MARCHF1: variants seen among roughly 807,000 people sequenced by gnomAD.
MARCHF1 encodes the protein membrane associated ring-CH-type finger 1, also known as E3 ubiquitin-protein ligase MARCHF1.
MARCHF1 carries 40 observed loss-of-function variants against 54.2 expected under a neutral mutation model. The observed-to-expected ratio is 0.74, with a 90% confidence interval of 0.57 to 0.96. The LOEUF (loss-of-function observed/expected upper bound fraction) is 0.96, where lower values mean the gene tolerates loss of function less well. Ranked by LOEUF, MARCHF1 falls within the 40% of genes least tolerant of loss-of-function variation. The pLI, the probability that MARCHF1 is intolerant of heterozygous loss-of-function variation, is 0.00. For missense variants in MARCHF1, 586 were observed against 656.5 expected, an observed-to-expected ratio of 0.89 and a Z score of 1.17; for synonymous variants, 236 against 236.3, an observed-to-expected ratio of 1.00 and a Z score of 0.01.
At chr4:164,365,246 T>C (rs945512200) in intron 1 of MARCHF1, among the ~76,000 whole-genome samples, 1 of 152,006 alleles carries the variant, frequency 6.6e-6, no homozygotes, top group Non-Finnish European at 1.5e-5. Context: ...AAAAAGTGAA[T>C]TCGAGAAAAA....
intron 4 of MARCHF1, among the ~76,000 whole-genome samples, chr4:163,853,453 A>G (rs1371149700): frequency 2.0e-5 from 3 of 152,216 alleles, no homozygotes; most frequent in Non-Finnish European, 2.9e-5. Flanking sequence ...TCCCTGGAAA[A>G]TGATAGCTAG....
intron 9 of MARCHF1, among the ~76,000 whole-genome samples, chr4:163,535,659 C>G (rs898103167): frequency 1.3e-5 from 2 of 151,976 alleles, no homozygotes; most frequent in Non-Finnish European, 2.9e-5. Flanking sequence ...TTCCTGTATG[C>G]TAAGTAACAC....
chr4:164,079,850 A>G (rs1048325155), intron 2 of MARCHF1, among the ~76,000 whole-genome samples: 1 of 152,164 alleles, frequency 6.6e-6, no homozygotes, highest in Non-Finnish European at 1.5e-5. Flanking sequence ...TGTAATATTA[A>G]TATTACTAAT....
intron 3 of MARCHF1, among the ~76,000 whole-genome samples, chr4:163,964,907 C>T (rs887446881): frequency 3.3e-5 from 5 of 151,872 alleles, no homozygotes; most frequent in African/African-American, 1.2e-4. Context: ...CAGCAGTGCC[C>T]GACACCGTGA....
At chr4:164,308,056 T>C (rs1252463059) in intron 1 of MARCHF1, among the ~76,000 whole-genome samples, 1 of 152,180 alleles carries the variant, frequency 6.6e-6, no homozygotes, top group Admixed American at 6.5e-5. Context: ...TATACACTAA[T>C]GAATATAGAC....
At chr4:163,889,482 T>G (rs943522352) in intron 3 of MARCHF1, among the ~76,000 whole-genome samples, 5 of 152,110 alleles carry the variant, frequency 3.3e-5, no homozygotes, top group African/African-American at 1.2e-4. Context: ...CAGGGAAAAT[T>G]TCATATTCTT....
chr4:163,868,299 C>T (rs554168071), intron 3 of MARCHF1, among the ~76,000 whole-genome samples: 1 of 151,770 alleles, frequency 6.6e-6, no homozygotes, highest in South Asian at 2.1e-4. Context: ...ATTTTGCTGT[C>T]TACATGAAAA....
At chr4:163,621,620 G>A (rs1052557826) in intron 5 of MARCHF1, among the ~76,000 whole-genome samples, 4 of 151,772 alleles carry the variant, frequency 2.6e-5, no homozygotes, top group Admixed American at 2.6e-4. Flanking sequence ...TGGAGTTCTG[G>A]GCATAATTTT....
At chr4:163,902,541 A>C (rs913120178) in intron 3 of MARCHF1, among the ~76,000 whole-genome samples, 3 of 152,148 alleles carry the variant, frequency 2.0e-5, no homozygotes, top group Non-Finnish European at 2.9e-5. Context: ...ACATTTGTTA[A>C]AACCACCTAT....
At chr4:163,959,719 A>T (rs1579422939) in intron 3 of MARCHF1, among the ~76,000 whole-genome samples, 1 of 152,184 alleles carries the variant, frequency 6.6e-6, no homozygotes, top group East Asian at 1.9e-4. Flanking sequence ...ACCTTGAAAG[A>T]CAACCTAGTC....
intron 4 of MARCHF1, among the ~76,000 whole-genome samples, chr4:163,762,535 G>A (rs563428134): frequency 6.6e-6 from 1 of 152,130 alleles, no homozygotes; most frequent in Admixed American, 6.6e-5. Context: ...AAAGAGTTAT[G>A]TATTTCAAAG....
At chr4:164,329,762 A>T (rs1735377904) in intron 1 of MARCHF1, among the ~76,000 whole-genome samples, 1 of 152,124 alleles carries the variant, frequency 6.6e-6, no homozygotes, top group Non-Finnish European at 1.5e-5. Context: ...GGTGCCACAC[A>T]CTTTTAAATG....
chr4:164,112,292 G>C (rs1755850900), intron 1 of MARCHF1, among the ~76,000 whole-genome samples: 2 of 151,770 alleles, frequency 1.3e-5, no homozygotes, highest in Non-Finnish European at 3.0e-5. Context: ...TTTATCTCTT[G>C]TTTTAGGATC....
Position 163,853,098 on chromosome 4 carries a change from T to C in MARCHF1, c.111+923A>G, listed in dbSNP as rs1463818628. 3.3e-5 allele frequency among the ~76,000 whole-genome samples: 5 copies of C among 152,266 alleles called. No homozygotes were observed. The East Asian group carries it at 5.8e-4, about 18-fold the overall frequency. On this transcript the variant is annotated intron_variant, in intron 4 of 9. Transcript: ENST00000514618. The stretch of plus-strand genomic sequence containing the variant: ...AGAACTGTGAGAAATAAATTTTTGT[T>C]TTTTATAAGTTACCAGTTTATGGTA...
intron 1 of MARCHF1, chr4:164,189,923 T>C: frequency 1.9e-6 from 3 of 1,569,544 alleles, no homozygotes; most frequent in Admixed American, 3.3e-5. Context: ...AAGACAAGGG[T>C]ACAGGGAACA....
Position 164,037,315 on chromosome 4 carries a change from A to G in MARCHF1, c.-247-48606T>C, listed in dbSNP as rs114091012. Among the ~76,000 whole-genome samples, 122 of 152,312 alleles carry G rather than the reference A, an allele frequency of 8.0e-4. 2 individuals carry two copies. Among genetic ancestry groups the G allele is most frequent in the Non-Finnish European group, 1.4e-3 (95 of 68,032 alleles). The stretch of plus-strand genomic sequence containing the variant: ...GTCATGCCACTAGCTTAGGTCATCA[A>G]GGAAGTAAATGTAATTAGAGACAAA... On this transcript the variant is annotated intron_variant, in intron 2 of 9. Coordinates refer to ENST00000514618, the MANE Select transcript of MARCHF1 (RefSeq NM_001394959.1).
intron 3 of MARCHF1, among the ~76,000 whole-genome samples, chr4:163,966,486 C>A (rs1020023407): frequency 2.0e-5 from 3 of 151,954 alleles, no homozygotes; most frequent in African/African-American, 7.3e-5. Flanking sequence ...ACTAGATGCT[C>A]AGCATTAAAA....
chr4:163,729,536 C>G (rs764664143), intron 4 of MARCHF1, among the ~76,000 whole-genome samples: 176 of 152,008 alleles, frequency 1.2e-3, no homozygotes, highest in Non-Finnish European at 2.1e-3. Context: ...TTAATAGATA[C>G]AAGCCTACTC....
intron 3 of MARCHF1, among the ~76,000 whole-genome samples, chr4:163,957,081 C>T (rs1323268016): frequency 6.6e-6 from 1 of 151,770 alleles, no homozygotes; most frequent in African/African-American, 2.4e-5. Flanking sequence ...TAAAGGTAAA[C>T]AATAGAATCT....
Sources: allele counts gnomAD v4.1 joint callset (sites outside exome capture counted in the v4.1 genomes callset), GRCh38; gene constraint gnomAD v4.1.1; transcripts MANE v1.5; gene names NCBI Gene and HGNC (gene_info 2026-07-23, HGNC 2026-07-21).